Variants in BNIP5 observed in about 807,000 individuals in gnomAD.
BNIP5 encodes the protein protein BNIP5.
Under a neutral mutation model 67.3 loss-of-function variants are expected in BNIP5, and 61 were observed. That is an observed-to-expected ratio of 0.91 (90% confidence interval 0.74 to 1.12). The LOEUF (loss-of-function observed/expected upper bound fraction) is 1.12, where lower values mean the gene tolerates loss of function less well. Ranked by LOEUF, BNIP5 falls within the 50% of genes most tolerant of loss-of-function variation. The pLI, the probability that BNIP5 is intolerant of heterozygous loss-of-function variation, is 0.00. For synonymous variants in BNIP5, 317 were observed against 319.0 expected (o/e 0.99, Z 0.07); for missense variants, 826 against 816.3 (o/e 1.01, Z -0.14).
At chr6:36,336,358 C>T (rs939203498) in intron 1 of BNIP5, among the ~76,000 whole-genome samples, 2 of 152,100 alleles carry the variant, frequency 1.3e-5, no homozygotes, top group Non-Finnish European at 2.9e-5. Context: ...GTAATGCTGC[C>T]CCATCCTACA....
chr6:36,325,569 G>C (rs1771744886), intron 5 of BNIP5, among the ~76,000 whole-genome samples, 155 bp from the exon 6 acceptor site: 1 of 152,210 alleles, frequency 6.6e-6, no homozygotes, highest in Non-Finnish European at 1.5e-5. Flanking sequence ...CTGTGCCTCT[G>C]ATTTACTGGC....
rs1400305377 is a variant in BNIP5 at position 36,321,173 on chromosome 6, A to G, written c.1650T>C (p.Asp550=). 6 of 1,594,590 alleles carry G rather than the reference A, an allele frequency of 3.8e-6. No homozygotes were observed. Among genetic ancestry groups the G allele is most frequent in the South Asian group, 1.1e-5 (1 of 87,608 alleles). The change falls in exon 10 of 12, where the codon GAT becomes GAC. Residue 550 remains aspartate, a synonymous_variant. Transcript: ENST00000437635. ...TACTCACCTGCTGCCCCAGTTGGCC[A>G]TCCACTTCTTGGAGAAGTGCCACAA... ...QKLVALLQEV[D]GQLGQQIRRH... is the part of the protein sequence containing the mutation.
At chr6:36,336,280 T>G (rs1772015659) in intron 1 of BNIP5, among the ~76,000 whole-genome samples, 1 of 152,214 alleles carries the variant, frequency 6.6e-6, no homozygotes, top group Non-Finnish European at 1.5e-5. Context: ...GGTTCCCTCA[T>G]GTACCTTCAC....
intron 2 of BNIP5, among the ~76,000 whole-genome samples, chr6:36,329,061 A>C (rs1276661279): frequency 2.0e-5 from 3 of 152,222 alleles, no homozygotes; most frequent in African/African-American, 7.2e-5. Flanking sequence ...GCAGAATAGG[A>C]AGGCACCTTG....
intron 3 of BNIP5, 49 bp from the exon 4 acceptor site, chr6:36,327,143 A>G (rs751185631): frequency 3.4e-6 from 5 of 1,486,010 alleles, no homozygotes; most frequent in East Asian, 4.5e-5. Context: ...TGCACTGACA[A>G]CTCCTTCTAA....
At chr6:36,323,043 G>A (rs570576635) in intron 8 of BNIP5, among the ~76,000 whole-genome samples, 2 of 152,224 alleles carry the variant, frequency 1.3e-5, no homozygotes, top group Non-Finnish European at 2.9e-5. Context: ...GTGTTTGTGT[G>A]TGGAGAGGGA....
intron 2 of BNIP5, 27 bp downstream of exon 2, chr6:36,330,054 C>T: frequency 6.4e-7 from 1 of 1,562,662 alleles, no homozygotes; most frequent in Non-Finnish European, 8.6e-7. Flanking sequence ...CTAGGGGTTG[C>T]CATAGGAACA....
intron 1 of BNIP5, among the ~76,000 whole-genome samples, chr6:36,335,060 G>A (rs114831429): frequency 0.011 from 1,721 of 152,322 alleles, 26 homozygotes; most frequent in African/African-American, 0.036. Context: ...CTGATAAGAT[G>A]TGACATTTAC....
In BNIP5 at chr6:36,325,433, AC is replaced by A; in HGVS notation, c.1037-20del. 6.2e-7 allele frequency: 1 copy of A among 1,602,012 alleles called. No homozygotes were observed. Among genetic ancestry groups the A allele is most frequent in the Non-Finnish European group, 8.5e-7 (1 of 1,174,966 alleles). ...TCCAAGCCTGAGAAGCAGAAGGAGA[AC>A]GAGGGTGTGTTTTGTCTGTCTGGGG... On this transcript the variant is annotated intron_variant, in intron 5 of 11. Transcript: ENST00000437635.
rs1771581505 is a variant in BNIP5 at position 36,319,279 on chromosome 6, T to C, written c.1923+77A>G. 1.2e-5 allele frequency: 18 copies of C among 1,555,072 alleles called. No homozygotes were observed. The South Asian group carries it at 1.9e-4, about 17-fold the overall frequency. ...GCAGGGGAGGGGAGAGGAGGATAAG[T>C]AGATCCCACTGGAGGCCAGCTGTGA... On this transcript the variant is annotated intron_variant, in intron 11 of 11. Coordinates refer to ENST00000437635, the MANE Select transcript of BNIP5 (RefSeq NM_001010903.5).
chr6:36,323,268 C>T, intron 8 of BNIP5, 25 bp downstream of exon 8: 1 of 1,613,538 alleles, frequency 6.2e-7, no homozygotes, highest in Non-Finnish European at 8.5e-7. Flanking sequence ...GCCTCTGTTA[C>T]CATGGCAACA....
At position 36,326,613 on chromosome 6, in the gene BNIP5, C is replaced by T. The variant is rs775047253; in HGVS notation, c.933G>A (p.Arg311=). The T allele has an allele frequency of 1.9e-6, 3 of 1,614,134 alleles. No homozygotes were observed. The highest frequency in any genetic ancestry group is 2.5e-6 in the Non-Finnish European group (3 of 1,180,054). Residue 311 remains arginine (R), a synonymous_variant, in exon 5 of 12, where the codon AGG becomes AGA. Coordinates refer to ENST00000437635, the MANE Select transcript of BNIP5 (RefSeq NM_001010903.5). The stretch of plus-strand genomic sequence containing the variant: ...CTGGACTGGAAACATCTGCAGCCCC[C>T]CTCTTGGCCTCCTCGGAGCCGTGTT... The part of the protein sequence containing the change: ...PKKHGSEEAK[R]GAADVSSPEA...
rs1275446555 is a variant in BNIP5 at position 36,325,428 on chromosome 6, G to C, written c.1037-14C>G. 1 of 1,602,580 alleles carries C rather than the reference G, an allele frequency of 6.2e-7. No homozygotes were observed. Among genetic ancestry groups the C allele is most frequent in the African/African-American group, 1.3e-5 (1 of 74,136 alleles). ...GTTCTTCCAAGCCTGAGAAGCAGAA[G>C]GAGAACGAGGGTGTGTTTTGTCTGT... On this transcript the variant is annotated splice_polypyrimidine_tract_variant and intron_variant, in intron 5 of 11. Transcript: ENST00000437635.
intron 5 of BNIP5, 94 bp downstream of exon 5, chr6:36,326,416 C>G: frequency 1.3e-6 from 2 of 1,500,080 alleles, no homozygotes; most frequent in Non-Finnish European, 1.8e-6. Context: ...CCAGGCACAA[C>G]GCAACCTTTA....
rs781418319 is a variant in BNIP5, at chr6:36,317,324, G to C, written c.*32C>G. 2 of 1,595,300 alleles carry C rather than the reference G, an allele frequency of 1.3e-6. No homozygotes were observed. The highest frequency in any genetic ancestry group is 2.2e-5 in the East Asian group (1 of 44,792). On this transcript the variant is annotated 3_prime_UTR_variant, in exon 12 of 12. Transcript: ENST00000437635. ...GCTAAAGCTGCGAACCATTTGGCTA[G>C]TTCAAGGGAATTTGAGTGCAAGACA...
intron 1 of BNIP5, among the ~76,000 whole-genome samples, chr6:36,331,009 C>T (rs1007279470): frequency 6.6e-6 from 1 of 152,174 alleles, no homozygotes; most frequent in African/African-American, 2.4e-5. Flanking sequence ...GGTGATCCGC[C>T]TGCCTCGGCC....
chr6:36,316,678 C>T lies in BNIP5; in HGVS notation c.*678G>A, dbSNP rs1582118068. The T allele has an allele frequency of 1.5e-5, 6 of 398,570 alleles. No homozygotes were observed. Among genetic ancestry groups the T allele is most frequent in the East Asian group, 1.4e-4 (4 of 28,092 alleles). 24.7% of individuals were successfully genotyped at this position (398,570 alleles called of 1,614,324 possible). On this transcript the variant is annotated 3_prime_UTR_variant, in exon 12 of 12. Transcript: ENST00000437635. ...TCAGAACTCTTCACATCCATTTTCT[C>T]ACTGACTCCTAGCCAATCCCATGAG... is the stretch of plus-strand genomic sequence containing the variant.
At chr6:36,325,505 G>A (rs936992770) in intron 5 of BNIP5, 91 bp from the exon 6 acceptor site, 46 of 1,463,074 alleles carry the variant, frequency 3.1e-5, no homozygotes, top group South Asian at 2.6e-4. Flanking sequence ...AGTGGGCTCC[G>A]TGGCTGGATC....
At chr6:36,326,472 G>T in intron 5 of BNIP5, 38 bp downstream of exon 5, 1 of 1,611,486 alleles carries the variant, frequency 6.2e-7, no homozygotes, top group Non-Finnish European at 8.5e-7. Flanking sequence ...GCTGGAGGCA[G>T]CTGCAGGGTT....
Sources: allele counts gnomAD v4.1 joint callset (sites outside exome capture counted in the v4.1 genomes callset), GRCh38; gene constraint gnomAD v4.1.1; transcripts MANE v1.5; gene names NCBI Gene and HGNC (gene_info 2026-07-23, HGNC 2026-07-21).